The following DNAJC10 variants were observed in gnomAD, a reference collection of about 807,000 sequenced individuals.
DNAJC10 encodes endoplasmic reticulum disulfide reductase DNAJC10.
DNAJC10 carries 101 observed loss-of-function variants against 115.0 expected under a neutral mutation model. The ratio of observed to expected loss-of-function variants is 0.88; its 90% CI spans 0.75 to 1.04. The LOEUF (loss-of-function observed/expected upper bound fraction) is 1.04, where lower values mean the gene tolerates loss of function less well. Ranked by LOEUF, DNAJC10 falls within the 50% of genes least tolerant of loss-of-function variation. The pLI is 0.00. For synonymous variants in DNAJC10, 307 were observed against 301.5 expected, an observed-to-expected ratio of 1.02 and a Z score of -0.19; for missense variants, 981 against 928.8, an observed-to-expected ratio of 1.06 and a Z score of -0.73.
At chr2:182,727,644 T>C (rs775340747) in intron 5 of DNAJC10, among the ~76,000 whole-genome samples, 1 of 152,238 alleles carries the variant, frequency 6.6e-6, no homozygotes, top group Non-Finnish European at 1.5e-5. Context: ...CACTGAGTCC[T>C]GCACCTGTTT....
chr2:182,762,493 G>A (rs1694310569), intron 21 of DNAJC10, among the ~76,000 whole-genome samples, 189 bp from the exon 22 acceptor site: 1 of 152,158 alleles, frequency 6.6e-6, no homozygotes, highest in African/African-American at 2.4e-5. Context: ...TTTATTTGCT[G>A]TTGGAGAGGT....
At chr2:182,753,185 A>T (rs1490109265) in intron 16 of DNAJC10, among the ~76,000 whole-genome samples, 2 of 152,182 alleles carry the variant, frequency 1.3e-5, no homozygotes, top group Non-Finnish European at 2.9e-5. Context: ...AGGGAGTATA[A>T]GTGAAGTAAA....
At chr2:182,728,064 T>TA in intron 5 of DNAJC10, among the ~76,000 whole-genome samples, 1 of 152,342 alleles carries the variant, frequency 6.6e-6, no homozygotes, top group African/African-American at 2.4e-5. Context: ...CCGCAATCCT[T>TA]ACTGTATTAT....
rs1435112435 is a variant in DNAJC10, at chr2:182,790,136, T to C, written c.*13004T>C. ...TTTCTGAATTTCTAAAAGTTCCTCATTGTCTACCACAAAACTAAGTATTTG... is the reference window on the plus strand; with the variant it reads ...TTTCTGAATTTCTAAAAGTTCCTCACTGTCTACCACAAAACTAAGTATTTG... On this transcript the variant is annotated 3_prime_UTR_variant, in exon 24 of 24. Coordinates refer to ENST00000264065, the MANE Select transcript of DNAJC10 (RefSeq NM_018981.4). 6.6e-6 allele frequency: 1 copy of C among 152,236 alleles called. No individual in the cohort carries two copies. The highest frequency in any genetic ancestry group is 6.5e-5 in the Admixed American group (1 of 15,278). 9.4% of individuals were successfully genotyped at this position (152,236 alleles called of 1,614,324 possible). A position where few individuals can be genotyped will look rare whatever the true frequency, so the allele number is the denominator to read the frequency against.
Position 182,716,337 on chromosome 2 carries a change from T to A in DNAJC10, c.-350T>A, listed in dbSNP as rs1692988311. 1 of 152,224 alleles carries A rather than the reference T, an allele frequency of 6.6e-6. No homozygotes were observed. The highest frequency in any genetic ancestry group is 1.5e-5 in the Non-Finnish European group (1 of 68,052). The allele number at this position is 152,224 out of a possible 1,614,324, so 9.4% of individuals were successfully genotyped here. On this transcript the variant is annotated 5_prime_UTR_variant, in exon 1 of 24. Transcript: ENST00000264065. ...TGGTAGTCGCCGGTGTGGCTGCACC[T>A]CACCAATCCCGTGCGCCGCGGCTGG...
Position 182,726,141 on chromosome 2 carries a change from A to G in DNAJC10, c.419-2435A>G, listed in dbSNP as rs184078. On this transcript the variant is annotated intron_variant, in intron 5 of 23. Transcript: ENST00000264065. ...AGGAGTTGGGAAGAAGTTCATTCCA[A>G]CCTTCATGGATGACTTTGAGGTGTT... is the stretch of plus-strand genomic sequence containing the variant. Among the ~76,000 whole-genome samples the G allele has an allele frequency of 4.0e-5, 6 of 151,816 alleles. No individual in the cohort carries two copies. In the East Asian group the frequency reaches 5.8e-4, roughly 15 times the overall value.
chr2:182,793,862 A>ACACACG lies in DNAJC10; in HGVS notation c.*16733_*16734insACGCAC, dbSNP rs1553498406. ...CACACACACACACACACACACACAC[A>ACACACG]CACTACCTACAAAAAAATAACAATT... On this transcript the variant is annotated 3_prime_UTR_variant, in exon 24 of 24. Coordinates refer to ENST00000264065, the MANE Select transcript of DNAJC10 (RefSeq NM_018981.4). The ACACACG allele has an allele frequency of 7.2e-6, 1 of 138,128 alleles. No individual in the cohort carries two copies. Among genetic ancestry groups the ACACACG allele is most frequent in the Non-Finnish European group, 1.6e-5 (1 of 62,084 alleles). 8.6% of individuals were successfully genotyped at this position (138,128 alleles called of 1,614,324 possible). A position where few individuals can be genotyped will look rare whatever the true frequency, so the allele number is the denominator to read the frequency against.
At chr2:182,744,023 C>G (rs1263566213) in intron 14 of DNAJC10, among the ~76,000 whole-genome samples, 5 of 152,204 alleles carry the variant, frequency 3.3e-5, no homozygotes, top group Non-Finnish European at 7.3e-5. Flanking sequence ...TCCAGCTTGC[C>G]ATGTGTATCA....
At chr2:182,735,228 A>G (rs772664008) in intron 10 of DNAJC10, among the ~76,000 whole-genome samples, 110 of 151,932 alleles carry the variant, frequency 7.2e-4, no homozygotes, top group Admixed American at 1.5e-3. Flanking sequence ...GAAATTTTGT[A>G]CATGTATCCT....
At chr2:182,721,392 T>C (rs1478262583) in intron 4 of DNAJC10, among the ~76,000 whole-genome samples, 2 of 152,124 alleles carry the variant, frequency 1.3e-5, no homozygotes, top group African/African-American at 2.4e-5. Context: ...ACATAATATA[T>C]GTGACTTCTT....
rs1415855424 is a variant in DNAJC10 at position 182,786,651 on chromosome 2, T to G, written c.*9519T>G. 1 of 152,338 alleles carries G rather than the reference T, an allele frequency of 6.6e-6. No homozygotes were observed. The highest frequency in any genetic ancestry group is 1.9e-4 in the East Asian group (1 of 5,190). The allele number at this position is 152,338 out of a possible 1,614,324, so 9.4% of individuals were successfully genotyped here. A position where few individuals can be genotyped will look rare whatever the true frequency, so the allele number is the denominator to read the frequency against. On this transcript the variant is annotated 3_prime_UTR_variant, in exon 24 of 24. Coordinates refer to ENST00000264065, the MANE Select transcript of DNAJC10 (RefSeq NM_018981.4). ...GCCAGCTACGCAGCTTTGAATAGCC[T>G]TCCACCCTTGTGTCCTTCAAACCCC... is the stretch of plus-strand genomic sequence containing the variant.
Position 182,789,808 on chromosome 2 carries a change from G to A in DNAJC10, c.*12676G>A, listed in dbSNP as rs1258404702. ...CCCACCAATAGTGCACAAGAGTTCT[G>A]ATTTTTCCACATCCTCACCAACACT... On this transcript the variant is annotated 3_prime_UTR_variant, in exon 24 of 24. Coordinates refer to ENST00000264065, the MANE Select transcript of DNAJC10 (RefSeq NM_018981.4). The A allele has an allele frequency of 6.6e-6, 1 of 152,096 alleles. No individual in the cohort carries two copies. Among genetic ancestry groups the A allele is most frequent in the African/African-American group, 2.4e-5 (1 of 41,418 alleles). The allele number at this position is 152,096 out of a possible 1,614,324, so 9.4% of individuals were successfully genotyped here.
At chr2:182,734,651 TGAGA>T (rs943328262) in intron 10 of DNAJC10, among the ~76,000 whole-genome samples, 2 of 151,898 alleles carry the variant, frequency 1.3e-5, no homozygotes, top group Non-Finnish European at 3.0e-5. Context: ...TATCAATAAC[TGAGA>T]GAGTGTCTTA....
chr2:182,759,057 C>T (rs188642734), intron 20 of DNAJC10, 103 bp from the exon 21 acceptor site: 11,917 of 1,132,934 alleles, frequency 0.011, 95 homozygotes, highest in Non-Finnish European at 0.013. Flanking sequence ...CATTGCCCTT[C>T]CTTGACATCA....
At chr2:182,747,648 C>CT (rs1402283177) in intron 14 of DNAJC10, among the ~76,000 whole-genome samples, 1 of 151,906 alleles carries the variant, frequency 6.6e-6, no homozygotes, top group Non-Finnish European at 1.5e-5. Flanking sequence ...ATGTGGTTTT[C>CT]TAGATATACA....
chr2:182,760,622 C>T (rs1694264101), intron 21 of DNAJC10, among the ~76,000 whole-genome samples: 1 of 152,094 alleles, frequency 6.6e-6, no homozygotes, highest in South Asian at 2.1e-4. Flanking sequence ...TTCTTTCTGT[C>T]GTAACAGTCT....
rs1277185063 is a variant in DNAJC10, at chr2:182,786,076, A to G, written c.*8944A>G. 2.0e-5 allele frequency: 3 copies of G among 152,188 alleles called. No homozygotes were observed. The highest frequency in any genetic ancestry group is 1.9e-4 in the East Asian group (1 of 5,196). 9.4% of individuals were successfully genotyped at this position (152,188 alleles called of 1,614,324 possible). ...TAAGGGATAGATATGGGTTGATTAT[A>G]TATTTGTTTTGCTGGAAAATGTTCC... On this transcript the variant is annotated 3_prime_UTR_variant, in exon 24 of 24. Coordinates refer to ENST00000264065, the MANE Select transcript of DNAJC10 (RefSeq NM_018981.4).
At chr2:182,747,486 T>C (rs1290037676) in intron 14 of DNAJC10, among the ~76,000 whole-genome samples, 2 of 17,272 alleles carry the variant, frequency 1.2e-4, no homozygotes, top group African/African-American at 1.2e-3. Context: ...TTATTCTCTT[T>C]GTAGCAATTG....
At chr2:182,745,464 C>G (rs942094539) in intron 14 of DNAJC10, among the ~76,000 whole-genome samples, 1 of 152,208 alleles carries the variant, frequency 6.6e-6, no homozygotes, top group Admixed American at 6.6e-5. Context: ...GCAGCTTCTT[C>G]CCTGGAAAAT....
Sources: gnomAD v4.1 joint callset for allele counts (sites outside exome capture counted in the v4.1 genomes callset) on GRCh38, gnomAD v4.1.1 for gene constraint, MANE v1.5 for transcripts, NCBI Gene and HGNC (gene_info 2026-07-23, HGNC 2026-07-21) for gene names.